BFAR: variants seen among roughly 807,000 people sequenced by gnomAD.
The protein encoded by BFAR is bifunctional apoptosis regulator, also known as RING finger protein 47.
Under a neutral mutation model 54.4 loss-of-function variants are expected in BFAR, and 52 were observed. The ratio of observed to expected loss-of-function variants is 0.96; its 90% CI spans 0.77 to 1.21. The LOEUF (loss-of-function observed/expected upper bound fraction) is 1.21. Ranked by LOEUF, BFAR falls within the 50% of genes most tolerant of loss-of-function variation. BFAR has a pLI of 0.00. For synonymous variants in BFAR, 215 were observed against 204.3 expected (o/e 1.05, Z -0.45); for missense variants, 571 against 534.0 (o/e 1.07, Z -0.68).
intron 1 of BFAR, among the ~76,000 whole-genome samples, chr16:14,639,168 C>G (rs754980086): frequency 6.6e-6 from 1 of 152,028 alleles, no homozygotes; most frequent in East Asian, 1.9e-4. Context: ...TTGTAGAGAC[C>G]GGGTTTCACC....
intron 4 of BFAR, among the ~76,000 whole-genome samples, chr16:14,651,505 A>G (rs1169046838): frequency 6.6e-6 from 1 of 152,064 alleles, no homozygotes; most frequent in Admixed American, 6.6e-5. Flanking sequence ...TTTTTCAGAC[A>G]GGGTCTCACT....
intron 5 of BFAR, among the ~76,000 whole-genome samples, chr16:14,655,957 C>A (rs1019759702): frequency 1.3e-5 from 2 of 152,128 alleles, no homozygotes; most frequent in African/African-American, 4.8e-5. Flanking sequence ...CAACTGTAAT[C>A]CCAGCACTTT....
chr16:14,667,804 C>A lies in BFAR; in HGVS notation c.1330C>A (p.Arg444=). Residue 444 remains arginine, a synonymous_variant, in exon 8 of 8, where the codon CGG becomes AGG. Transcript: ENST00000261658. ...NIDLVVKELR[R]LETQVL ...TGATCTTGTGGTCAAGGAACTCCGG[C>A]GGCTGGAAACCCAGGTGTTGTGACT... 6.2e-7 allele frequency: 1 copy of A among 1,614,140 alleles called. No individual in the cohort carries two copies. The highest frequency in any genetic ancestry group is 8.5e-7 in the Non-Finnish European group (1 of 1,180,006).
chr16:14,639,395 C>T (rs1022555680), intron 1 of BFAR, among the ~76,000 whole-genome samples: 6 of 152,242 alleles, frequency 3.9e-5, no homozygotes, highest in East Asian at 1.9e-4. Context: ...GCATCCTCCA[C>T]GTCCTGGGTG....
intron 1 of BFAR, among the ~76,000 whole-genome samples, chr16:14,634,130 A>G (rs1959356875): frequency 6.6e-6 from 1 of 152,206 alleles, no homozygotes; most frequent in Non-Finnish European, 1.5e-5. Context: ...TCCCCGCCGA[A>G]GCCCATTGGT....
chr16:14,636,587 C>T (rs958540017), intron 1 of BFAR, among the ~76,000 whole-genome samples: 3 of 152,226 alleles, frequency 2.0e-5, no homozygotes, highest in Non-Finnish European at 4.4e-5. Context: ...CAAGACATTC[C>T]ATTGCCCAGG....
rs181715434 is a variant in BFAR, at chr16:14,649,016, G to A, written c.468+424G>A. ...CATATTTGTGAACACATTAAAAACC[G>A]TGGATTGTGTGCACTTCAAATGTGT... is the stretch of plus-strand genomic sequence containing the variant. On this transcript the variant is annotated intron_variant, in intron 3 of 7. Transcript: ENST00000261658. 3.4e-4 allele frequency among the ~76,000 whole-genome samples: 52 copies of A among 151,158 alleles called. No individual in the cohort carries two copies. The South Asian group carries it at 3.8e-3, about 11-fold the overall frequency.
At chr16:14,663,678 T>G (rs538392971) in intron 6 of BFAR, among the ~76,000 whole-genome samples, 1 of 152,096 alleles carries the variant, frequency 6.6e-6, no homozygotes, top group East Asian at 1.9e-4. Flanking sequence ...TTGAAAAGCT[T>G]CTCCTCCTGC....
At chr16:14,651,593 C>T (rs1959969002) in intron 4 of BFAR, among the ~76,000 whole-genome samples, 1 of 152,064 alleles carries the variant, frequency 6.6e-6, no homozygotes. Flanking sequence ...AGGAGTCCTA[C>T]CTCAGCCTCC....
chr16:14,654,383 G>C lies in BFAR; in HGVS notation c.639-683G>C, dbSNP rs776337942. On this transcript the variant is annotated intron_variant, in intron 4 of 7. Coordinates refer to ENST00000261658, the MANE Select transcript of BFAR (RefSeq NM_016561.3). The stretch of plus-strand genomic sequence containing the variant: ...TAATATAAAAAAATAAATAAAAATA[G>C]AGTAATATGTGAGAGGTCAGAGCGT... 5.9e-5 allele frequency among the ~76,000 whole-genome samples: 9 copies of C among 151,614 alleles called. No individual in the cohort carries two copies. The South Asian group carries it at 1.9e-3, about 32-fold the overall frequency.
In BFAR at chr16:14,644,328, A is replaced by G. The variant is rs753879642; in HGVS notation, c.-19A>G. On this transcript the variant is annotated 5_prime_UTR_variant, in exon 2 of 8. Transcript: ENST00000261658. ...GTCTGAAATTTTTTATGTCTCTGGA[A>G]CCCAGAATTTGCTAAGAGATGGAGG... 1.9e-6 allele frequency: 3 copies of G among 1,608,946 alleles called. No homozygotes were observed. The East Asian group carries it at 6.7e-5, about 36-fold the overall frequency.
intron 2 of BFAR, among the ~76,000 whole-genome samples, chr16:14,645,866 C>T (rs12923774): frequency 0.7 from 105,785 of 151,898 alleles, 37,654 homozygotes; most frequent in South Asian, 0.79. Context: ...CACATACATA[C>T]ATTCATTGTT....
chr16:14,661,305 A>G (rs968088187), intron 5 of BFAR, among the ~76,000 whole-genome samples: 3 of 151,556 alleles, frequency 2.0e-5, no homozygotes, highest in African/African-American at 4.8e-5. Flanking sequence ...CTTTTTCAAA[A>G]TAGCTTTTTA....
chr16:14,648,248 A>G (rs367826790), intron 2 of BFAR, 140 bp from the exon 3 acceptor site: 2 of 670,320 alleles, frequency 3.0e-6, no homozygotes, highest in East Asian at 2.7e-5. Context: ...GCTTTTACCC[A>G]CAGGACTATA....
chr16:14,650,727 T>C (rs1465024935), intron 4 of BFAR: 1 of 152,228 alleles, frequency 6.6e-6, no homozygotes, highest in Non-Finnish European at 1.5e-5. Context: ...CGTATTTTGT[T>C]TATCCATTCA....
intron 7 of BFAR, 111 bp downstream of exon 7, chr16:14,665,182 C>A: frequency 9.2e-7 from 1 of 1,083,990 alleles, no homozygotes; most frequent in Non-Finnish European, 1.3e-6. Context: ...TCCACCCAGA[C>A]CCTTCAGACT....
At chr16:14,646,796 C>G (rs1033966750) in intron 2 of BFAR, among the ~76,000 whole-genome samples, 1 of 152,140 alleles carries the variant, frequency 6.6e-6, no homozygotes, top group African/African-American at 2.4e-5. Context: ...CCGCGCCCAG[C>G]CTCTTTTTAA....
intron 1 of BFAR, among the ~76,000 whole-genome samples, chr16:14,640,351 GGA>G (rs1418013582): frequency 6.6e-6 from 1 of 152,162 alleles, no homozygotes; most frequent in East Asian, 1.9e-4. Context: ...TGGACAGGTG[GGA>G]GAGGAGTGTA....
chr16:14,640,360 T>C (rs1027999125), intron 1 of BFAR, among the ~76,000 whole-genome samples: 10 of 151,890 alleles, frequency 6.6e-5, no homozygotes, highest in Non-Finnish European at 1.0e-4. Context: ...GGGAGAGGAG[T>C]GTAGCAAGCT....
Sources: gnomAD v4.1 joint callset for allele counts (sites outside exome capture counted in the v4.1 genomes callset) on GRCh38, gnomAD v4.1.1 for gene constraint, MANE v1.5 for transcripts, NCBI Gene and HGNC (gene_info 2026-07-23, HGNC 2026-07-21) for gene names.